The following GPC3 variants were observed in gnomAD, a reference collection of about 807,000 sequenced individuals.
GPC3 encodes the protein glypican-3.
In GPC3, 3 loss-of-function variants were observed where a neutral mutation model predicts 34.4. The ratio of observed to expected loss-of-function variants is 0.09; its 90% CI spans 0.04 to 0.23. GPC3 has a LOEUF of 0.23. Among genes scored for constraint, GPC3 ranks in the 10% least tolerant of loss-of-function variants. The pLI is 1.00. For synonymous variants in GPC3, 177 were observed against 174.0 expected (o/e 1.02, Z -0.13); for missense variants, 351 against 445.6 (o/e 0.79, Z 1.91).
chrX:133,772,692 A>C (rs2071935944), intron 2 of GPC3, among the ~76,000 whole-genome samples: 1 of 112,223 alleles, frequency 8.9e-6, no homozygotes. Flanking sequence ...AGTAACAAGA[A>C]CAATGATGAC....
At chrX:133,688,219 A>G (rs1172649780) in intron 5 of GPC3, among the ~76,000 whole-genome samples, 1 of 111,833 alleles carries the variant, frequency 8.9e-6, no homozygotes, top group Non-Finnish European at 1.9e-5. Flanking sequence ...TGCCTGTAGG[A>G]TATGCTAGTG....
intron 2 of GPC3, among the ~76,000 whole-genome samples, chrX:133,857,195 A>C (rs960646418): frequency 9.0e-6 from 1 of 111,357 alleles, no homozygotes; most frequent in Admixed American, 9.6e-5. Context: ...CTTCTGACCT[A>C]TTCTTCCTGT....
intron 7 of GPC3, among the ~76,000 whole-genome samples, chrX:133,537,237 C>T (rs2069301692): frequency 8.9e-6 from 1 of 112,019 alleles, no homozygotes; most frequent in African/African-American, 3.2e-5. Flanking sequence ...TCTCTTGGCT[C>T]TTCTAGACTC....
chrX:133,976,088 A>G (rs1247673919), intron 1 of GPC3, among the ~76,000 whole-genome samples: 1 of 112,365 alleles, frequency 8.9e-6, no homozygotes, highest in African/African-American at 3.2e-5. Flanking sequence ...GCTCTATGAT[A>G]TCAGTGACGA....
rs139235447 is a variant in GPC3, at chrX:133,721,434, C to A, written c.1033-21406G>T. 2.2e-4 allele frequency among the ~76,000 whole-genome samples: 24 copies of A among 110,030 alleles called. No individual in the cohort carries two copies. In the East Asian group the frequency reaches 6.3e-3, roughly 29 times the overall value. ...ATAACTTTGATGAAATGGACATATT[C>A]CTAGAAAGACTCAAGAAGAAATAGA... On this transcript the variant is annotated intron_variant, in intron 3 of 7. Transcript: ENST00000370818.
intron 3 of GPC3, among the ~76,000 whole-genome samples, chrX:133,714,054 T>TA (rs1485100113): frequency 9.8e-5 from 11 of 112,215 alleles, no homozygotes; most frequent in Non-Finnish European, 1.9e-5. Flanking sequence ...AGTCAATTGA[T>TA]ACGTTTGCAG....
At chrX:133,877,714 C>T (rs952136208) in intron 2 of GPC3, among the ~76,000 whole-genome samples, 10 of 111,819 alleles carry the variant, frequency 8.9e-5, no homozygotes, top group Admixed American at 6.7e-4. Context: ...ACTCTATATT[C>T]ATGTAACGAA....
At chrX:133,954,573 C>T (rs2124635711) in intron 1 of GPC3, among the ~76,000 whole-genome samples, 1 of 109,143 alleles carries the variant, frequency 9.2e-6, no homozygotes, top group African/African-American at 3.3e-5. Flanking sequence ...ATATGGTAGT[C>T]AGAGAAGGCA....
chrX:133,974,954 A>T (rs1172173257), intron 1 of GPC3, among the ~76,000 whole-genome samples: 1 of 111,095 alleles, frequency 9.0e-6, no homozygotes, highest in Non-Finnish European at 1.9e-5. Flanking sequence ...CCTTAAAAAC[A>T]TGTTCCTCCT....
At chrX:133,629,545 A>G (rs921659248) in intron 6 of GPC3, among the ~76,000 whole-genome samples, 4 of 108,842 alleles carry the variant, frequency 3.7e-5, no homozygotes, top group Non-Finnish European at 7.6e-5. Flanking sequence ...ACGGGCACGC[A>G]TCACCATGCC....
intron 2 of GPC3, among the ~76,000 whole-genome samples, chrX:133,776,688 A>G (rs193044673): frequency 9.0e-6 from 1 of 110,610 alleles, no homozygotes; most frequent in Non-Finnish European, 1.9e-5. Flanking sequence ...AGTCACAGCC[A>G]TTTCCCATAG....
chrX:133,615,589 C>T lies in GPC3; in HGVS notation c.1414-18990G>A, dbSNP rs1381565647. Among the ~76,000 whole-genome samples, 3 of 109,338 alleles carry T rather than the reference C, an allele frequency of 2.7e-5. No homozygotes were observed. The Admixed American group carries it at 3.0e-4, about 11-fold the overall frequency. The allele number at this position is 109,338 out of a possible 115,157, so 94.9% of individuals were successfully genotyped here. A position where few individuals can be genotyped will look rare whatever the true frequency, so the allele number is the denominator to read the frequency against. On this transcript the variant is annotated intron_variant, in intron 6 of 7. Coordinates refer to ENST00000370818, the MANE Select transcript of GPC3 (RefSeq NM_004484.4). ...TGGACGCAGGGAGGGGAACATCACACACTGGGGCCTGTCGGTGGGTGAGGG... is the reference window on the plus strand; with the variant it reads ...TGGACGCAGGGAGGGGAACATCACATACTGGGGCCTGTCGGTGGGTGAGGG...
chrX:133,855,475 T>C (rs1363828947), intron 2 of GPC3, among the ~76,000 whole-genome samples: 2 of 107,870 alleles, frequency 1.9e-5, no homozygotes, highest in Non-Finnish European at 3.8e-5. Context: ...CAGATTTTCC[T>C]TTTTTAAAAT....
chrX:133,879,288 T>C (rs1221997419), intron 2 of GPC3, among the ~76,000 whole-genome samples: 3 of 111,105 alleles, frequency 2.7e-5, no homozygotes, highest in Non-Finnish European at 5.7e-5. Context: ...TTTCATTCCA[T>C]GTATAGAGTC....
intron 7 of GPC3, among the ~76,000 whole-genome samples, chrX:133,536,564 C>G (rs1013360399): frequency 9.1e-6 from 1 of 110,282 alleles, no homozygotes; most frequent in Non-Finnish European, 1.9e-5. Context: ...GGCTGCACCC[C>G]ACTCCCCTTT....
intron 2 of GPC3, among the ~76,000 whole-genome samples, chrX:133,869,188 A>T (rs2075982630): frequency 8.9e-6 from 1 of 111,806 alleles, no homozygotes; most frequent in African/African-American, 3.3e-5. Flanking sequence ...TTACCATAGG[A>T]AACTGGGTGT....
chrX:133,612,958 G>A (rs753045580), intron 6 of GPC3, among the ~76,000 whole-genome samples: 1 of 111,900 alleles, frequency 8.9e-6, no homozygotes, highest in East Asian at 2.8e-4. Context: ...GAACACCGGT[G>A]AAACAGATAT....
chrX:133,624,993 A>G (rs999333211), intron 6 of GPC3, among the ~76,000 whole-genome samples: 1 of 112,243 alleles, frequency 8.9e-6, no homozygotes, highest in Non-Finnish European at 1.9e-5. Context: ...CATCCTTGGG[A>G]TGCAAGGCTG....
chrX:133,627,597 A>G (rs768829182), intron 6 of GPC3, among the ~76,000 whole-genome samples: 1 of 112,191 alleles, frequency 8.9e-6, no homozygotes, highest in East Asian at 2.8e-4. Flanking sequence ...TTTCCTCTAA[A>G]CTAATGTTGC....
Sources: gnomAD v4.1 joint callset for allele counts (sites outside exome capture counted in the v4.1 genomes callset) on GRCh38, gnomAD v4.1.1 for gene constraint, MANE v1.5 for transcripts, NCBI Gene and HGNC (gene_info 2026-07-23, HGNC 2026-07-21) for gene names.